The following TNKS variants were observed in gnomAD, a reference collection of about 807,000 sequenced individuals.
TNKS encodes the protein tankyrase, also known as poly [ADP-ribose] polymerase tankyrase-1.
Under a neutral mutation model 135.8 loss-of-function variants are expected in TNKS, and 72 were observed. The ratio of observed to expected loss-of-function variants is 0.53; its 90% CI spans 0.44 to 0.64. The LOEUF (loss-of-function observed/expected upper bound fraction) is 0.64, where lower values mean the gene tolerates loss of function less well. Ranked by LOEUF, TNKS falls within the 30% of genes least tolerant of loss-of-function variation. TNKS has a pLI of 0.00. For synonymous variants in TNKS, 849 were observed against 649.3 expected, an observed-to-expected ratio of 1.31 and a Z score of -4.68; for missense variants, 1,769 against 1,674.0, an observed-to-expected ratio of 1.06 and a Z score of -0.99.
At chr8:9,697,570 G>T (rs1803577163) in intron 5 of TNKS, among the ~76,000 whole-genome samples, 1 of 151,990 alleles carries the variant, frequency 6.6e-6, no homozygotes, top group South Asian at 2.1e-4. Context: ...TAATATCCAG[G>T]ATCTATAAGG....
intron 3 of TNKS, among the ~76,000 whole-genome samples, chr8:9,625,994 G>A (rs1438671172): frequency 1.3e-5 from 2 of 152,100 alleles, no homozygotes; most frequent in African/African-American, 4.8e-5. Context: ...ATCAGTTGTT[G>A]AGTAGTGAAG....
intron 3 of TNKS, among the ~76,000 whole-genome samples, chr8:9,645,949 A>G (rs532822176): frequency 6.6e-6 from 1 of 152,284 alleles, no homozygotes; most frequent in African/African-American, 2.4e-5. Context: ...TGTGTTCCCA[A>G]GACGTTTACT....
chr8:9,570,730 C>T (rs1033885621), intron 1 of TNKS, among the ~76,000 whole-genome samples: 4 of 152,152 alleles, frequency 2.6e-5, no homozygotes, highest in Non-Finnish European at 5.9e-5. Flanking sequence ...TTCTCTAGCT[C>T]GGAACTGTGA....
At chr8:9,657,241 G>T (rs1801425507) in intron 3 of TNKS, among the ~76,000 whole-genome samples, 1 of 127,536 alleles carries the variant, frequency 7.8e-6, no homozygotes. Context: ...CGGCTGGCCG[G>T]GCGGGGGGCC....
chr8:9,655,631 AG>A (rs1801329541), intron 3 of TNKS, among the ~76,000 whole-genome samples: 1 of 152,202 alleles, frequency 6.6e-6, no homozygotes, highest in African/African-American at 2.4e-5. Flanking sequence ...CCAGACAAAC[AG>A]GGTCTGGAGT....
intron 3 of TNKS, among the ~76,000 whole-genome samples, chr8:9,652,953 C>G (rs1437104042): frequency 6.6e-6 from 1 of 152,184 alleles, no homozygotes; most frequent in Non-Finnish European, 1.5e-5. Context: ...TTTAAAATGT[C>G]TAGCCCTAGA....
At chr8:9,662,839 C>G (rs1177598186) in intron 3 of TNKS, among the ~76,000 whole-genome samples, 2 of 152,224 alleles carry the variant, frequency 1.3e-5, no homozygotes, top group Non-Finnish European at 2.9e-5. Context: ...AATCCTCAAT[C>G]TGCCATTTAC....
chr8:9,609,980 C>T (rs956718545), intron 2 of TNKS, among the ~76,000 whole-genome samples: 2 of 152,138 alleles, frequency 1.3e-5, no homozygotes, highest in African/African-American at 4.8e-5. Context: ...GCCTCAGCCT[C>T]CCGAGTAGCT....
chr8:9,764,723 G>A lies in TNKS; in HGVS notation c.3380G>A (p.Ser1127Asn), dbSNP rs1336731897. Residue 1127 changes from serine to asparagine, a missense_variant, in exon 23 of 27, where the codon AGT becomes AAT. This residue lies in a region of TNKS where 722 missense variants were observed against 688.9 expected (regional missense o/e 1.05). Transcript: ENST00000310430. ...AGTTATTTTGTTCTGTAGATGCAAA[G>A]TACTATTCGAGAACACAGAGATGGT... ...EYQSVEEEMQ[S>N]TIREHRDGGN... is the part of the protein sequence containing the mutation. The A allele has an allele frequency of 6.3e-7, 1 of 1,597,466 alleles. No individual in the cohort carries two copies. Among genetic ancestry groups the A allele is most frequent in the South Asian group, 1.2e-5 (1 of 86,680 alleles).
At chr8:9,644,751 T>G (rs1800853278) in intron 3 of TNKS, among the ~76,000 whole-genome samples, 1 of 152,196 alleles carries the variant, frequency 6.6e-6, no homozygotes, top group African/African-American at 2.4e-5. Context: ...AGTCCTCGAC[T>G]TATGTTAGTT....
chr8:9,688,978 AATCTT>A (rs1444540042), intron 5 of TNKS, among the ~76,000 whole-genome samples: 6 of 152,214 alleles, frequency 3.9e-5, no homozygotes, highest in African/African-American at 1.2e-4. Flanking sequence ...GAAGGGCACT[AATCTT>A]ATCATGAGGT....
Position 9,751,767 on chromosome 8 carries a change from C to G in TNKS, c.2991C>G (p.Gly997=). 6.2e-7 allele frequency: 1 copy of G among 1,614,180 alleles called. No individual in the cohort carries two copies. Among genetic ancestry groups the G allele is most frequent in the South Asian group, 1.1e-5 (1 of 91,076 alleles). The change falls in exon 19 of 27, where the codon GGC becomes GGG. Residue 997 remains glycine (G), a synonymous_variant. Transcript: ENST00000310430. ...SAASSIDNLT[G]PLAELAVGGA... is the part of the protein sequence containing the mutation. ...CCAGCAGCATAGACAACCTCACTGG[C>G]CCTTTAGCAGAGTTGGCCGTAGGAG...
chr8:9,660,500 C>T (rs1801643157), intron 3 of TNKS, among the ~76,000 whole-genome samples: 2 of 152,168 alleles, frequency 1.3e-5, no homozygotes, highest in African/African-American at 4.8e-5. Context: ...ATGATTATCT[C>T]AATAGATGCA....
intron 3 of TNKS, among the ~76,000 whole-genome samples, chr8:9,625,016 T>C (rs1247754315): frequency 6.6e-6 from 1 of 152,186 alleles, no homozygotes; most frequent in Non-Finnish European, 1.5e-5. Flanking sequence ...CAACTGTATT[T>C]CTCCTTAAAT....
Position 9,717,715 on chromosome 8 carries a change from T to C in TNKS, c.1750-2659T>C, listed in dbSNP as rs73531244. ...AAAGTTTGAATTTGATCAAGATCCT[T>C]CTCTTAAGGAACTTAAAATCTAATT... On this transcript the variant is annotated intron_variant, in intron 11 of 26. Transcript: ENST00000310430. Among the ~76,000 whole-genome samples, 277 of 152,276 alleles carry C rather than the reference T, an allele frequency of 1.8e-3. 2 individuals are homozygous for C. The highest frequency in any genetic ancestry group is 6.3e-3 in the African/African-American group (262 of 41,572).
intron 1 of TNKS, among the ~76,000 whole-genome samples, chr8:9,562,017 A>G (rs1797352579): frequency 6.6e-6 from 1 of 151,932 alleles, no homozygotes; most frequent in African/African-American, 2.4e-5. Flanking sequence ...GGGTTTCACC[A>G]TGTTGACCAG....
intron 3 of TNKS, among the ~76,000 whole-genome samples, chr8:9,646,498 C>T (rs1005399159): frequency 6.6e-6 from 1 of 151,962 alleles, no homozygotes; most frequent in Non-Finnish European, 1.5e-5. Flanking sequence ...CATTTTTATA[C>T]AGAGAAGTTT....
At chr8:9,711,498 A>G (rs577398365) in intron 11 of TNKS, among the ~76,000 whole-genome samples, 27 of 152,200 alleles carry the variant, frequency 1.8e-4, no homozygotes, top group Non-Finnish European at 3.2e-4. Context: ...GACCCTGACA[A>G]GGGACACAGG....
Position 9,598,729 on chromosome 8 carries a change from G to GTGTGTC in TNKS, c.899-16847_899-16842dup, listed in dbSNP as rs1554444988. Reference sequence around the variant, plus strand: ...TATGTGTGTGTGTGTGTGTGTGTGTGTGTGTCTGTGTGTGTATATATGTAT... The same window carrying GTGTGTC: ...TATGTGTGTGTGTGTGTGTGTGTGTGTGTGTCTGTGTCTGTGTGTGTATATATGTAT... On this transcript the variant is annotated intron_variant, in intron 2 of 26. Transcript: ENST00000310430. Among the ~76,000 whole-genome samples, 23 of 123,526 alleles carry GTGTGTC rather than the reference G, an allele frequency of 1.9e-4. No homozygotes were observed. In the East Asian group the frequency reaches 3.2e-3, roughly 17 times the overall value. The allele number at this position is 123,526 out of a possible 152,430, so 81.0% of individuals were successfully genotyped here.
Sources: allele counts gnomAD v4.1 joint callset (sites outside exome capture counted in the v4.1 genomes callset), GRCh38; gene constraint gnomAD v4.1.1; regional missense constraint gnomAD v4.1.1; transcripts MANE v1.5; gene names NCBI Gene and HGNC (gene_info 2026-07-23, HGNC 2026-07-21).